ATP8A2: variants seen among roughly 807,000 people sequenced by gnomAD.
ATP8A2 encodes the protein phospholipid-transporting ATPase IB.
Under a neutral mutation model 165.6 loss-of-function variants are expected in ATP8A2, and 100 were observed. That is an observed-to-expected ratio of 0.60 (90% CI 0.51 to 0.71). The LOEUF (loss-of-function observed/expected upper bound fraction) is 0.71. Ranked by LOEUF, ATP8A2 falls within the 30% of genes least tolerant of loss-of-function variation. The pLI, the probability that ATP8A2 is intolerant of heterozygous loss-of-function variation, is 0.00. For missense variants in ATP8A2, 1,227 were observed against 1,479.5 expected (o/e 0.83, Z 2.80); for synonymous variants, 543 against 548.8 (o/e 0.99, Z 0.15).
chr13:25,832,539 A>G (rs534306822), intron 28 of ATP8A2, among the ~76,000 whole-genome samples: 12 of 152,368 alleles, frequency 7.9e-5, no homozygotes, highest in African/African-American at 2.9e-4. Flanking sequence ...TTGGGGATAC[A>G]GGAGTCTTGA....
chr13:25,577,037 C>T (rs775074076), intron 19 of ATP8A2, 32 bp from the exon 20 acceptor site: 2 of 1,584,434 alleles, frequency 1.3e-6, no homozygotes, highest in Non-Finnish European at 1.7e-6. Flanking sequence ...GTAAACAGAC[C>T]AATGATGACT....
chr13:25,962,664 GCAAAACA>G lies in ATP8A2; in HGVS notation c.3272+1005_3272+1011del, dbSNP rs1955684928. Reference sequence around the variant, plus strand: ...GACTCCGAGCTCGGCTTTACTTTGGGCAAAACACAATTATTTTGGGGCTCTGAGATAG... The same window carrying G: ...GACTCCGAGCTCGGCTTTACTTTGGGCAATTATTTTGGGGCTCTGAGATAG... On this transcript the variant is annotated intron_variant, in intron 34 of 36. Coordinates refer to ENST00000381655, the MANE Select transcript of ATP8A2 (RefSeq NM_016529.6). Among the ~76,000 whole-genome samples, 2 of 152,236 alleles carry G rather than the reference GCAAAACA, an allele frequency of 1.3e-5. 1 individual carries two copies. Among genetic ancestry groups the G allele is most frequent in the Admixed American group, 1.3e-4 (2 of 15,290 alleles).
At chr13:25,955,152 A>G (rs954146986) in intron 33 of ATP8A2, among the ~76,000 whole-genome samples, 10 of 152,244 alleles carry the variant, frequency 6.6e-5, no homozygotes, top group Admixed American at 6.5e-5. Context: ...GGAGAACAAC[A>G]TAAAGCAGGA....
At chr13:25,597,687 C>T (rs1407321617) in intron 24 of ATP8A2, among the ~76,000 whole-genome samples, 1 of 152,196 alleles carries the variant, frequency 6.6e-6, no homozygotes, top group African/African-American at 2.4e-5. Context: ...ACCTTGATTA[C>T]AGCCTCATGA....
chr13:25,973,291 G>A (rs529357086), intron 35 of ATP8A2, among the ~76,000 whole-genome samples: 26 of 152,242 alleles, frequency 1.7e-4, no homozygotes, highest in African/African-American at 5.1e-4. Flanking sequence ...ACATCTGTGC[G>A]TGGCCCTGTG....
Position 25,735,099 on chromosome 13 carries a change from C to T in ATP8A2, c.2385-33947C>T, listed in dbSNP as rs554583345. Reference sequence around the variant, plus strand: ...TAATTTATTTAATATGGTTCCATTCCCCTGTCTTGAGGGTGGATACTGGTC... The same window carrying T: ...TAATTTATTTAATATGGTTCCATTCTCCTGTCTTGAGGGTGGATACTGGTC... On this transcript the variant is annotated intron_variant, in intron 25 of 36. Transcript: ENST00000381655. Among the ~76,000 whole-genome samples, 14 of 152,260 alleles carry T rather than the reference C, an allele frequency of 9.2e-5. 1 individual carries two copies. Among genetic ancestry groups the T allele is most frequent in the African/African-American group, 3.4e-4 (14 of 41,538 alleles).
intron 1 of ATP8A2, among the ~76,000 whole-genome samples, chr13:25,429,630 G>C (rs1023432024): frequency 9.2e-5 from 14 of 152,166 alleles, no homozygotes; most frequent in African/African-American, 3.4e-4. Flanking sequence ...GAAACCCGGT[G>C]GTTCCGCAGG....
At position 25,540,314 on chromosome 13, in the gene ATP8A2, CT is replaced by C. The variant is rs778456421; in HGVS notation, c.582-3del. 1 of 1,611,952 alleles carries C rather than the reference CT, an allele frequency of 6.2e-7. No individual in the cohort carries two copies. Among genetic ancestry groups the C allele is most frequent in the South Asian group, 1.1e-5 (1 of 90,964 alleles). ...AAACTTGGCTCTTTTTTTCTCTCTCCTTAGTGAACCTCAGGCAATGTGTTAT... is the reference window on the plus strand; with the variant it reads ...AAACTTGGCTCTTTTTTTCTCTCTCCTAGTGAACCTCAGGCAATGTGTTAT... On this transcript the variant is annotated splice_region_variant and splice_polypyrimidine_tract_variant and intron_variant, in intron 7 of 36. Transcript: ENST00000381655.
rs189001283 is a variant in ATP8A2 at position 25,500,659 on chromosome 13, T to C, written c.222-29340T>C. Among the ~76,000 whole-genome samples the C allele has an allele frequency of 7.2e-5, 11 of 152,228 alleles. No homozygotes were observed. In the East Asian group the frequency reaches 1.7e-3, roughly 24 times the overall value. ...GGAGTGCAGTGGTGCGATCTTGGCT[T>C]ACCCCAACCTCCACGGCTCAGGTGA... On this transcript the variant is annotated intron_variant, in intron 2 of 36. Coordinates refer to ENST00000381655, the MANE Select transcript of ATP8A2 (RefSeq NM_016529.6).
intron 2 of ATP8A2, among the ~76,000 whole-genome samples, chr13:25,501,782 C>G (rs1435329503): frequency 6.6e-6 from 1 of 152,172 alleles, no homozygotes; most frequent in Non-Finnish European, 1.5e-5. Flanking sequence ...TCCCAGACTT[C>G]AGGGAAGGGA....
intron 26 of ATP8A2, among the ~76,000 whole-genome samples, chr13:25,769,696 A>AT (rs74590379): frequency 0.99 from 150,380 of 152,200 alleles, 74,312 homozygotes; most frequent in East Asian, 1. Flanking sequence ...AGAAGCAGTG[A>AT]TTACAGCTGT....
At chr13:25,407,421 A>T (rs1225827810) in intron 1 of ATP8A2, among the ~76,000 whole-genome samples, 1 of 152,218 alleles carries the variant, frequency 6.6e-6, no homozygotes, top group African/African-American at 2.4e-5. Context: ...AACTCTTCCA[A>T]CTGTATGTAT....
intron 33 of ATP8A2, among the ~76,000 whole-genome samples, chr13:25,897,290 G>A (rs897635070): frequency 2.6e-4 from 40 of 152,054 alleles, no homozygotes; most frequent in Admixed American, 2.6e-4. Context: ...CTTCACTTAC[G>A]AAGCTTAGTT....
At chr13:25,426,651 A>G (rs1241691314) in intron 1 of ATP8A2, among the ~76,000 whole-genome samples, 1 of 152,120 alleles carries the variant, frequency 6.6e-6, no homozygotes, top group Non-Finnish European at 1.5e-5. Context: ...TTTAGTTAAT[A>G]ATGTATCAGG....
intron 1 of ATP8A2, among the ~76,000 whole-genome samples, chr13:25,441,813 C>T (rs929560650): frequency 1.3e-5 from 2 of 152,092 alleles, no homozygotes; most frequent in African/African-American, 2.4e-5. Flanking sequence ...GGCTGAAGTA[C>T]GTTCCCATTA....
intron 25 of ATP8A2, among the ~76,000 whole-genome samples, chr13:25,704,569 C>T (rs2043017936): frequency 1.3e-5 from 2 of 152,092 alleles, no homozygotes. Context: ...CTCCTGGCCT[C>T]AAGTTATCCT....
intron 33 of ATP8A2, among the ~76,000 whole-genome samples, chr13:25,891,790 C>T (rs1229198942): frequency 6.6e-6 from 1 of 152,074 alleles, no homozygotes; most frequent in Non-Finnish European, 1.5e-5. Context: ...TCCAAACTGT[C>T]CCACTTTGGG....
chr13:25,787,433 G>A (rs1225080321), intron 27 of ATP8A2, among the ~76,000 whole-genome samples: 1 of 152,194 alleles, frequency 6.6e-6, no homozygotes, highest in Admixed American at 6.5e-5. Context: ...TTGCATGGGT[G>A]TTTCACAGTT....
chr13:25,877,169 T>C (rs571060675), intron 33 of ATP8A2, among the ~76,000 whole-genome samples: 2 of 152,360 alleles, frequency 1.3e-5, no homozygotes, highest in African/African-American at 2.4e-5. Context: ...TCTTCTGACA[T>C]AGGTCATCTT....
Sources: gnomAD v4.1 joint callset for allele counts (sites outside exome capture counted in the v4.1 genomes callset) on GRCh38, gnomAD v4.1.1 for gene constraint, MANE v1.5 for transcripts, NCBI Gene and HGNC (gene_info 2026-07-23, HGNC 2026-07-21) for gene names.